RUNX2: variants seen among roughly 807,000 people sequenced by gnomAD.
The protein encoded by RUNX2 is runt-related transcription factor 2.
In RUNX2, 10 loss-of-function variants were observed where a neutral mutation model predicts 51.7. The ratio of observed to expected loss-of-function variants is 0.19; its 90% CI spans 0.12 to 0.33. RUNX2 has a LOEUF of 0.33. RUNX2 is among the 10% of genes least tolerant of loss of function. The probability of loss-of-function intolerance (pLI) is 1.00; values close to 1 mark genes in which losing one functional copy is unlikely to be tolerated. For missense variants in RUNX2, 562 were observed against 691.3 expected (o/e 0.81, Z 2.10); for synonymous variants, 276 against 273.6 (o/e 1.01, Z -0.09).
intron 6 of RUNX2, among the ~76,000 whole-genome samples, chr6:45,496,647 TG>T (rs1024048960): frequency 4.6e-5 from 7 of 152,212 alleles, no homozygotes; most frequent in Admixed American, 2.0e-4. Context: ...TGGGGAGTCT[TG>T]GGGGCCACAA....
At chr6:45,336,712 A>C (rs1788630665) in intron 2 of RUNX2, among the ~76,000 whole-genome samples, 1 of 151,438 alleles carries the variant, frequency 6.6e-6, no homozygotes, top group South Asian at 2.1e-4. Flanking sequence ...ATTTTTAATA[A>C]AGTATTTACT....
intron 5 of RUNX2, among the ~76,000 whole-genome samples, chr6:45,484,770 A>G (rs536784626): frequency 4.6e-5 from 7 of 152,274 alleles, no homozygotes; most frequent in East Asian, 3.9e-4. Context: ...AAATTAGTCA[A>G]CCTGTTCCCT....
At chr6:45,403,675 C>T (rs138988009) in intron 2 of RUNX2, among the ~76,000 whole-genome samples, 1 of 152,184 alleles carries the variant, frequency 6.6e-6, no homozygotes, top group African/African-American at 2.4e-5. Flanking sequence ...TTATTGAATG[C>T]CCATTATGTG....
intron 7 of RUNX2, among the ~76,000 whole-genome samples, chr6:45,519,460 A>C (rs1264511913): frequency 1.1e-4 from 17 of 152,180 alleles, no homozygotes; most frequent in Admixed American, 1.1e-3. Context: ...TTTTATCATA[A>C]TGCCATGTGT....
chr6:45,344,029 C>T (rs186792306), intron 2 of RUNX2, among the ~76,000 whole-genome samples: 1 of 152,118 alleles, frequency 6.6e-6, no homozygotes, highest in African/African-American at 2.4e-5. Flanking sequence ...TCCATGACTA[C>T]TAATTGAATA....
intron 5 of RUNX2, among the ~76,000 whole-genome samples, chr6:45,465,802 ATT>A (rs36066562): frequency 9.3e-5 from 13 of 139,414 alleles, no homozygotes; most frequent in African/African-American, 1.6e-4. Flanking sequence ...CGCCTGGCTA[ATT>A]TTTTTTTTTT....
chr6:45,481,381 T>A (rs1485863346), intron 5 of RUNX2, among the ~76,000 whole-genome samples: 1 of 152,216 alleles, frequency 6.6e-6, no homozygotes, highest in Admixed American at 6.5e-5. Flanking sequence ...TTTGCATCTC[T>A]CAGTGGGGTC....
rs548394258 is a variant in RUNX2 at position 45,544,714 on chromosome 6, C to A, written c.1022-503C>A. On this transcript the variant is annotated intron_variant, in intron 7 of 8. Transcript: ENST00000647337. ...CCCTGCCCATCGCTGTTAGTTCTGC[C>A]AGCTCAAGGTCACCTGGATGCCCTG... Among the ~76,000 whole-genome samples the A allele has an allele frequency of 2.0e-5, 3 of 152,272 alleles. No homozygotes were observed. The South Asian group carries it at 6.2e-4, about 32-fold the overall frequency.
In RUNX2 at chr6:45,545,199, A is replaced by T; in HGVS notation, c.1022-18A>T. On this transcript the variant is annotated intron_variant, in intron 7 of 8. Transcript: ENST00000647337. Reference sequence around the variant, plus strand: ...AGAGCTGGAAGGGAACTTAGAGCTCATCCCCCTCATTTTACAGATGATGAC... The same window carrying T: ...AGAGCTGGAAGGGAACTTAGAGCTCTTCCCCCTCATTTTACAGATGATGAC... 1 of 1,533,302 alleles carries T rather than the reference A, an allele frequency of 6.5e-7. No homozygotes were observed. Among genetic ancestry groups the T allele is most frequent in the East Asian group, 2.4e-5 (1 of 40,842 alleles). 95.0% of individuals were successfully genotyped at this position (1,533,302 alleles called of 1,614,324 possible).
chr6:45,525,784 C>G (rs1457566284), intron 7 of RUNX2, among the ~76,000 whole-genome samples: 1 of 151,908 alleles, frequency 6.6e-6, no homozygotes, highest in African/African-American at 2.4e-5. Context: ...TGCTTGAGCC[C>G]AGCAGTTGGA....
At chr6:45,386,763 T>C (rs1797356747) in intron 2 of RUNX2, among the ~76,000 whole-genome samples, 1 of 152,060 alleles carries the variant, frequency 6.6e-6, no homozygotes, top group Non-Finnish European at 1.5e-5. Flanking sequence ...GCAAAGTCAG[T>C]GTGTTGGAGG....
intron 2 of RUNX2, among the ~76,000 whole-genome samples, chr6:45,357,803 A>T (rs529824589): frequency 6.6e-6 from 1 of 152,210 alleles, no homozygotes; most frequent in Non-Finnish European, 1.5e-5. Context: ...ACTCACAATG[A>T]CATTACATAT....
At chr6:45,545,166 A>G in intron 7 of RUNX2, 51 bp from the exon 8 acceptor site, 1 of 1,408,210 alleles carries the variant, frequency 7.1e-7, no homozygotes, top group Non-Finnish European at 9.8e-7. Context: ...TCATAGTCAT[A>G]GAACATTAGA....
chr6:45,483,928 C>T (rs537223023), intron 5 of RUNX2, among the ~76,000 whole-genome samples: 6 of 152,266 alleles, frequency 3.9e-5, no homozygotes, highest in East Asian at 3.9e-4. Flanking sequence ...ACGCATATTG[C>T]GACCATATTT....
intron 2 of RUNX2, among the ~76,000 whole-genome samples, chr6:45,329,435 A>T (rs1037854336): frequency 6.6e-6 from 1 of 152,010 alleles, no homozygotes; most frequent in Admixed American, 6.6e-5. Flanking sequence ...AGATCTTTAT[A>T]GTTGCCCAGG....
At chr6:45,491,628 T>G (rs1388706579) in intron 5 of RUNX2, among the ~76,000 whole-genome samples, 2 of 147,946 alleles carry the variant, frequency 1.4e-5, no homozygotes, top group Non-Finnish European at 3.0e-5. Context: ...GTTTGTTTTT[T>G]TTTTTTTTTT....
intron 5 of RUNX2, among the ~76,000 whole-genome samples, chr6:45,469,450 C>T (rs1210131137): frequency 6.6e-6 from 1 of 152,130 alleles, no homozygotes; most frequent in African/African-American, 2.4e-5. Flanking sequence ...AAAATAATAT[C>T]AGAAAAGCAC....
intron 7 of RUNX2, among the ~76,000 whole-genome samples, chr6:45,512,871 A>G (rs1426684507): frequency 2.0e-5 from 3 of 152,158 alleles, no homozygotes; most frequent in African/African-American, 7.2e-5. Flanking sequence ...CTGCAAACTT[A>G]GGATCTTTGT....
At chr6:45,392,728 A>G (rs990410142) in intron 2 of RUNX2, among the ~76,000 whole-genome samples, 15 of 149,322 alleles carry the variant, frequency 1.0e-4, no homozygotes, top group South Asian at 4.2e-4. Flanking sequence ...TTTTATATTT[A>G]TGCTGTTTGG....
Sources: allele counts gnomAD v4.1 joint callset (sites outside exome capture counted in the v4.1 genomes callset), GRCh38; gene constraint gnomAD v4.1.1; transcripts MANE v1.5; gene names NCBI Gene and HGNC (gene_info 2026-07-23, HGNC 2026-07-21).